The following DRAM1 variants were observed in gnomAD, a reference collection of about 807,000 sequenced individuals.
DRAM1 encodes the protein DNA damage regulated autophagy modulator 1.
In DRAM1, 25 loss-of-function variants were observed where a neutral mutation model predicts 28.5. The ratio of observed to expected loss-of-function variants is 0.88; its 90% CI spans 0.64 to 1.23. The LOEUF (loss-of-function observed/expected upper bound fraction) is 1.23, where lower values mean the gene tolerates loss of function less well. Ranked by LOEUF, DRAM1 falls within the 50% of genes most tolerant of loss-of-function variation. The pLI is 0.00. For synonymous variants in DRAM1, 113 were observed against 114.2 expected (o/e 0.99, Z 0.07); for missense variants, 249 against 299.2 (o/e 0.83, Z 1.24).
At position 101,915,173 on chromosome 12, in the gene DRAM1, G is replaced by A. The variant is rs896363891; in HGVS notation, c.579+941G>A. On this transcript the variant is annotated intron_variant, in intron 5 of 6. Coordinates refer to ENST00000258534, the MANE Select transcript of DRAM1 (RefSeq NM_018370.3). The stretch of plus-strand genomic sequence containing the variant: ...TTTTTGTATTTTTAGTAGAGATGGG[G>A]TTTCACCGTATTAGCCAGGATGGTC... Among the ~76,000 whole-genome samples, 4 of 151,146 alleles carry A rather than the reference G, an allele frequency of 2.6e-5. No individual in the cohort carries two copies. The South Asian group carries it at 6.3e-4, about 24-fold the overall frequency.
chr12:101,897,281 C>A (rs1231179276), intron 1 of DRAM1, among the ~76,000 whole-genome samples: 1 of 152,014 alleles, frequency 6.6e-6, no homozygotes, highest in Non-Finnish European at 1.5e-5. Context: ...CTCACCATAA[C>A]CTCCGCCTCC....
chr12:101,907,370 A>T (rs1381515791), intron 3 of DRAM1, among the ~76,000 whole-genome samples: 2 of 151,822 alleles, frequency 1.3e-5, no homozygotes, highest in African/African-American at 4.8e-5. Context: ...TCATGGAACG[A>T]GTCACGTACT....
At chr12:101,901,164 G>A (rs2121098885) in intron 2 of DRAM1, 127 bp from the exon 3 acceptor site, 2 of 908,960 alleles carry the variant, frequency 2.2e-6, no homozygotes, top group East Asian at 5.3e-5. Context: ...AGTCAGGAGG[G>A]ACAGGGGTGG....
intron 1 of DRAM1, chr12:101,889,940 C>CAAAA (rs778793274): frequency 4.6e-4 from 112 of 245,366 alleles, no homozygotes; most frequent in East Asian, 5.0e-4. Flanking sequence ...GACTCTGTCT[C>CAAAA]AAAAAAAAAA....
chr12:101,911,105 G>A (rs1036198036), intron 4 of DRAM1, among the ~76,000 whole-genome samples: 19 of 152,022 alleles, frequency 1.2e-4, no homozygotes, highest in African/African-American at 2.7e-4. Flanking sequence ...GCGTGGTGGC[G>A]TATGCCTTTA....
At chr12:101,899,301 T>C (rs58676448) in intron 2 of DRAM1, among the ~76,000 whole-genome samples, 6,762 of 152,276 alleles carry the variant, frequency 0.044, 273 homozygotes, top group African/African-American at 0.11. Context: ...AGAGAGATTA[T>C]TTTATCACAG....
At chr12:101,916,579 C>T (rs1217926992) in intron 5 of DRAM1, among the ~76,000 whole-genome samples, 1 of 152,120 alleles carries the variant, frequency 6.6e-6, no homozygotes, top group Non-Finnish European at 1.5e-5. Context: ...CTGTTAGATA[C>T]CTGTAGTAGT....
intron 1 of DRAM1, among the ~76,000 whole-genome samples, chr12:101,890,673 A>AT (rs1296710827): frequency 2.0e-5 from 3 of 151,804 alleles, no homozygotes; most frequent in Admixed American, 2.0e-4. Context: ...AGAGCAAGGT[A>AT]TTTGTATTTG....
At chr12:101,886,227 G>A (rs1872883169) in intron 1 of DRAM1, among the ~76,000 whole-genome samples, 1 of 152,140 alleles carries the variant, frequency 6.6e-6, no homozygotes, top group Admixed American at 6.6e-5. Flanking sequence ...ATACTGAGAG[G>A]GAACATAGCA....
intron 4 of DRAM1, among the ~76,000 whole-genome samples, chr12:101,909,683 T>C (rs74544520): frequency 1.3e-5 from 2 of 152,168 alleles, no homozygotes; most frequent in Admixed American, 6.5e-5. Flanking sequence ...TGAAATCCAT[T>C]TTATTTTCTA....
chr12:101,899,299 T>G (rs1481238642), intron 2 of DRAM1, among the ~76,000 whole-genome samples: 1 of 152,172 alleles, frequency 6.6e-6, no homozygotes, highest in African/African-American at 2.4e-5. Flanking sequence ...ACAGAGAGAT[T>G]ATTTTATCAC....
At chr12:101,908,054 A>G (rs954951384) in intron 3 of DRAM1, 132 bp from the exon 4 acceptor site, 2 of 773,244 alleles carry the variant, frequency 2.6e-6, no homozygotes, top group Non-Finnish European at 4.1e-6. Context: ...TTGGTAGTCA[A>G]ACAGCCACAT....
intron 4 of DRAM1, among the ~76,000 whole-genome samples, chr12:101,910,295 T>C (rs142477701): frequency 3.2e-4 from 49 of 152,262 alleles, no homozygotes; most frequent in Admixed American, 1.4e-3. Flanking sequence ...CATTTTATCT[T>C]GTGTTAGTTG....
chr12:101,879,253 C>T (rs999240714), intron 1 of DRAM1, among the ~76,000 whole-genome samples: 3 of 152,162 alleles, frequency 2.0e-5, no homozygotes, highest in African/African-American at 7.2e-5. Context: ...TTGCCTTGGC[C>T]TCCCAAAATG....
chr12:101,919,588 G>A (rs1874396207), intron 5 of DRAM1, among the ~76,000 whole-genome samples: 3 of 152,056 alleles, frequency 2.0e-5, no homozygotes, highest in African/African-American at 7.2e-5. Context: ...ATTTACCTTG[G>A]GATGTTAAGC....
intron 1 of DRAM1, among the ~76,000 whole-genome samples, chr12:101,897,060 T>TA (rs1485226512): frequency 6.6e-6 from 1 of 152,184 alleles, no homozygotes; most frequent in Non-Finnish European, 1.5e-5. Context: ...GTGCTGGGAT[T>TA]ACAGGCGTGA....
chr12:101,911,734 A>G (rs560325368), intron 4 of DRAM1, among the ~76,000 whole-genome samples: 10 of 145,736 alleles, frequency 6.9e-5, no homozygotes, highest in African/African-American at 2.7e-4. Context: ...CAGAAGTAAA[A>G]TATCTCAATA....
At chr12:101,897,722 C>A (rs1873439014) in intron 1 of DRAM1, 141 bp from the exon 2 acceptor site, 1 of 643,838 alleles carries the variant, frequency 1.6e-6, no homozygotes, top group South Asian at 1.9e-5. Flanking sequence ...TACTTTAGAA[C>A]AAAATCAGGC....
At chr12:101,908,703 G>A (rs1285282104) in intron 4 of DRAM1, among the ~76,000 whole-genome samples, 1 of 152,012 alleles carries the variant, frequency 6.6e-6, no homozygotes, top group Non-Finnish European at 1.5e-5. Context: ...GATATTGAGT[G>A]TGATCAGATA....
Sources: allele counts gnomAD v4.1 joint callset (sites outside exome capture counted in the v4.1 genomes callset), GRCh38; gene constraint gnomAD v4.1.1; transcripts MANE v1.5; gene names NCBI Gene and HGNC (gene_info 2026-07-23, HGNC 2026-07-21).